ZEB2: variants seen among roughly 807,000 people sequenced by gnomAD.
ZEB2 encodes the protein zinc finger E-box binding homeobox 2, also known as zinc finger E-box-binding homeobox 2.
ZEB2 carries 6 observed loss-of-function variants against 99.9 expected under a neutral mutation model. The observed-to-expected ratio is 0.06, with a 90% CI of 0.03 to 0.12. ZEB2 has a LOEUF of 0.12. Among genes scored for constraint, ZEB2 ranks in the 10% least tolerant of loss-of-function variants. The pLI is 1.00. For missense variants in ZEB2, 969 were observed against 1,502.8 expected, an observed-to-expected ratio of 0.64 and a Z score of 5.87; for synonymous variants, 517 against 542.5, an observed-to-expected ratio of 0.95 and a Z score of 0.65.
In ZEB2 at chr2:144,429,758, T is replaced by TACAGGAAGAGGCCA. The variant is rs1187917324; in HGVS notation, c.331+10_331+11insTGGCCTCTTCCTGT. The stretch of plus-strand genomic sequence containing the variant: ...GGTACAGGAAGAGGCCAAGTGATTT[T>TACAGGAAGAGGCCA]AGACACTTACCTGGACCATCTACAG... On this transcript the variant is annotated intron_variant, in intron 3 of 9. Coordinates refer to ENST00000627532, the MANE Select transcript of ZEB2 (RefSeq NM_014795.4). 2 of 1,613,684 alleles carry TACAGGAAGAGGCCA rather than the reference T, an allele frequency of 1.2e-6. No individual in the cohort carries two copies. The highest frequency in any genetic ancestry group is 4.5e-5 in the East Asian group (2 of 44,882).
In ZEB2 at chr2:144,385,045, A is replaced by C. The variant is rs1341773717; in HGVS notation, c.*4406T>G. 6.6e-6 allele frequency: 1 copy of C among 152,214 alleles called. No homozygotes were observed. Among genetic ancestry groups the C allele is most frequent in the African/African-American group, 2.4e-5 (1 of 41,458 alleles). The allele number at this position is 152,214 out of a possible 1,614,324, so 9.4% of individuals were successfully genotyped here. A position where few individuals can be genotyped will look rare whatever the true frequency, so the allele number is the denominator to read the frequency against. On this transcript the variant is annotated 3_prime_UTR_variant, in exon 10 of 10. Transcript: ENST00000627532. ...ATATTTATTAATATATAGAATGATC[A>C]GATGAGTCACCTGTGATTTTTCTTA...
At chr2:144,409,434 T>C (rs1703428873) in intron 4 of ZEB2, among the ~76,000 whole-genome samples, 1 of 152,136 alleles carries the variant, frequency 6.6e-6, no homozygotes, top group Admixed American at 6.5e-5. Context: ...TAGTGTAAAA[T>C]CAACCTCATT....
At chr2:144,469,357 G>A (rs1349479732) in intron 2 of ZEB2, among the ~76,000 whole-genome samples, 1 of 152,084 alleles carries the variant, frequency 6.6e-6, no homozygotes, top group Non-Finnish European at 1.5e-5. Flanking sequence ...CTAACACACT[G>A]CCTTCGTAGA....
At chr2:144,438,588 T>C (rs1303623080) in intron 2 of ZEB2, among the ~76,000 whole-genome samples, 1 of 152,128 alleles carries the variant, frequency 6.6e-6, no homozygotes, top group African/African-American at 2.4e-5. Context: ...CTAATCTCAG[T>C]CAATCTTGCC....
rs1379887523 is a variant in ZEB2 at position 144,385,232 on chromosome 2, A to G, written c.*4219T>C. The G allele has an allele frequency of 1.3e-5, 2 of 152,196 alleles. No homozygotes were observed. Among genetic ancestry groups the G allele is most frequent in the African/African-American group, 4.8e-5 (2 of 41,456 alleles). 9.4% of individuals were successfully genotyped at this position (152,196 alleles called of 1,614,324 possible). On this transcript the variant is annotated 3_prime_UTR_variant, in exon 10 of 10. Coordinates refer to ENST00000627532, the MANE Select transcript of ZEB2 (RefSeq NM_014795.4). ...ATATAGAGATTTCACATCTCTACAC[A>G]ATACAGGTTTATAAAGTTTGCTATT... is the stretch of plus-strand genomic sequence containing the variant.
chr2:144,466,793 T>C (rs1217323283), intron 2 of ZEB2, among the ~76,000 whole-genome samples: 1 of 152,168 alleles, frequency 6.6e-6, no homozygotes, highest in Non-Finnish European at 1.5e-5. Context: ...TGTGTGGTAG[T>C]GTAAATGCCT....
Position 144,399,645 on chromosome 2 carries a change from C to A in ZEB2, c.1542G>T (p.Pro514=), listed in dbSNP as rs141674976. The A allele has an allele frequency of 1.2e-4, 199 of 1,614,044 alleles. No individual in the cohort carries two copies. The highest frequency in any genetic ancestry group is 1.5e-4 in the Non-Finnish European group (174 of 1,180,036). The change falls in exon 8 of 10, where the codon CCG becomes CCT. Residue 514 remains proline (P), a synonymous_variant. Transcript: ENST00000627532. The surrounding 1 kb of genome is among the most constrained non-coding windows in gnomAD (Gnocchi z 5.6). ...TSPNIPPVGL[P]VVSHNGATKS... ...TAGTGGCACCATTATGACTCACTAC[C>A]GGAAGACCGACAGGCGGAATATTAG...
intron 9 of ZEB2, among the ~76,000 whole-genome samples, chr2:144,394,867 C>T (rs1703200352): frequency 6.6e-6 from 1 of 152,038 alleles, no homozygotes; most frequent in African/African-American, 2.4e-5. Context: ...AGCATGTGCC[C>T]AGTGAGGAAT....
At chr2:144,491,037 G>A (rs1157714027) in intron 2 of ZEB2, among the ~76,000 whole-genome samples, 6 of 152,224 alleles carry the variant, frequency 3.9e-5, no homozygotes, top group African/African-American at 1.4e-4. Flanking sequence ...GACTCCCCGA[G>A]TACGCATTGA....
At chr2:144,424,005 C>T (rs1298430575) in intron 4 of ZEB2, among the ~76,000 whole-genome samples, 4 of 151,748 alleles carry the variant, frequency 2.6e-5, no homozygotes, top group African/African-American at 9.7e-5. Flanking sequence ...TTTGCAACAC[C>T]CCTCCCCTCC....
chr2:144,387,634 G>C lies in ZEB2; in HGVS notation c.*1817C>G, dbSNP rs74583908. The C allele has an allele frequency of 6.4e-3, 976 of 152,242 alleles. 13 individuals are homozygous for C. Among genetic ancestry groups the C allele is most frequent in the African/African-American group, 0.021 (890 of 41,544 alleles). The allele number at this position is 152,242 out of a possible 1,614,324, so 9.4% of individuals were successfully genotyped here. A position where few individuals can be genotyped will look rare whatever the true frequency, so the allele number is the denominator to read the frequency against. ...ATATTATAAATAACACTGAATAATA[G>C]CTGTCTTTTTGAAATTAGACTTTTT... On this transcript the variant is annotated 3_prime_UTR_variant, in exon 10 of 10. Coordinates refer to ENST00000627532, the MANE Select transcript of ZEB2 (RefSeq NM_014795.4).
At chr2:144,481,091 T>C (rs1406348023) in intron 2 of ZEB2, among the ~76,000 whole-genome samples, 3 of 152,090 alleles carry the variant, frequency 2.0e-5, no homozygotes, top group Non-Finnish European at 2.9e-5. Context: ...CCAGCATTTA[T>C]AGAGGAAAAG....
chr2:144,414,623 T>C (rs1187386113), intron 4 of ZEB2, among the ~76,000 whole-genome samples: 1 of 152,194 alleles, frequency 6.6e-6, no homozygotes, highest in Admixed American at 6.5e-5. Flanking sequence ...TAACAGATGT[T>C]ACAACTAAGG....
intron 2 of ZEB2, among the ~76,000 whole-genome samples, chr2:144,455,924 T>C (rs1704116495): frequency 6.6e-6 from 1 of 152,142 alleles, no homozygotes; most frequent in South Asian, 2.1e-4. Flanking sequence ...TAGAATCACA[T>C]AATCTTAAAA....
intron 2 of ZEB2, chr2:144,512,464 A>T: frequency 7.8e-7 from 1 of 1,287,212 alleles, no homozygotes; most frequent in Non-Finnish European, 1.0e-6. Context: ...GTCTTTAATA[A>T]CCTCTTGGAA....
intron 4 of ZEB2, among the ~76,000 whole-genome samples, chr2:144,406,696 T>C (rs72858422): frequency 0.018 from 2,775 of 152,214 alleles, 31 homozygotes; most frequent in Non-Finnish European, 0.029. Flanking sequence ...AGGATTTGGG[T>C]TTTTACTCTA....
chr2:144,502,678 A>G (rs1462551776), intron 2 of ZEB2, among the ~76,000 whole-genome samples: 1 of 152,224 alleles, frequency 6.6e-6, no homozygotes, highest in East Asian at 1.9e-4. Context: ...AAAGCTCAAG[A>G]CACATTCAAC....
chr2:144,389,726 A>C lies in ZEB2; in HGVS notation c.3370T>G (p.Ser1124Ala). ...CTCGGCATACTCTCCCTCTCCTCCG[A>C]GTCAGAGTACCCCTGAGGGGTAATG... Reference protein sequence around the residue: ...QSITPQGYSDSEERESMPRDG... With the variant: ...QSITPQGYSDAEERESMPRDG... Residue 1124 changes from serine (S) to alanine (A), a missense_variant, in exon 10 of 10, where the codon TCG becomes GCG. This residue lies in a region of ZEB2 where 121 missense variants were observed against 166.4 expected (regional missense o/e 0.73). Coordinates refer to ENST00000627532, the MANE Select transcript of ZEB2 (RefSeq NM_014795.4). The surrounding 1 kb of genome is among the most constrained non-coding windows in gnomAD (Gnocchi z 6.8). 1 of 1,612,746 alleles carries C rather than the reference A, an allele frequency of 6.2e-7. No individual in the cohort carries two copies. The highest frequency in any genetic ancestry group is 8.5e-7 in the Non-Finnish European group (1 of 1,179,244).
chr2:144,408,777 C>T (rs1303185011), intron 4 of ZEB2, among the ~76,000 whole-genome samples: 1 of 152,144 alleles, frequency 6.6e-6, no homozygotes, highest in Non-Finnish European at 1.5e-5. Flanking sequence ...ATCCTGCTCC[C>T]CTAGCCACAA....
Sources: allele counts gnomAD v4.1 joint callset (sites outside exome capture counted in the v4.1 genomes callset), GRCh38; gene constraint gnomAD v4.1.1; regional missense constraint gnomAD v4.1.1; non-coding constraint Gnocchi (gnomAD v3.1); transcripts MANE v1.5; gene names NCBI Gene and HGNC (gene_info 2026-07-23, HGNC 2026-07-21).